The following GRM8 variants were observed in gnomAD, a reference collection of about 807,000 sequenced individuals.
GRM8 encodes metabotropic glutamate receptor 8.
Under a neutral mutation model 87.2 loss-of-function variants are expected in GRM8, and 47 were observed. The ratio of observed to expected loss-of-function variants is 0.54; its 90% CI spans 0.43 to 0.69. The LOEUF is 0.69. Among genes scored for constraint, GRM8 ranks in the 30% least tolerant of loss-of-function variants. The pLI is 0.00. For missense variants in GRM8, 1,019 were observed against 1,139.2 expected, an observed-to-expected ratio of 0.89 and a Z score of 1.52; for synonymous variants, 396 against 404.5, an observed-to-expected ratio of 0.98 and a Z score of 0.25.
At chr7:126,951,890 G>A (rs1385801061) in intron 3 of GRM8, among the ~76,000 whole-genome samples, 1 of 151,972 alleles carries the variant, frequency 6.6e-6, no homozygotes, top group Non-Finnish European at 1.5e-5. Context: ...GTGTGTATAT[G>A]TGCAGGTTAT....
At chr7:126,652,705 G>A (rs544901794) in intron 7 of GRM8, among the ~76,000 whole-genome samples, 2 of 152,118 alleles carry the variant, frequency 1.3e-5, no homozygotes, top group African/African-American at 4.8e-5. Context: ...GCTCAAACTG[G>A]CTTCCTTGCT....
intron 2 of GRM8, among the ~76,000 whole-genome samples, chr7:127,148,298 G>A (rs1828658718): frequency 6.6e-6 from 1 of 151,374 alleles, no homozygotes; most frequent in South Asian, 2.1e-4. Flanking sequence ...AAATATATAT[G>A]CACCCCACAC....
intron 8 of GRM8, among the ~76,000 whole-genome samples, chr7:126,552,028 T>C (rs1792643875): frequency 6.6e-6 from 1 of 152,146 alleles, no homozygotes; most frequent in East Asian, 1.9e-4. Context: ...GTATTCATCT[T>C]CTTTTACATG....
chr7:126,509,505 T>C (rs2150736493), intron 9 of GRM8, among the ~76,000 whole-genome samples: 1 of 152,192 alleles, frequency 6.6e-6, no homozygotes, highest in African/African-American at 2.4e-5. Flanking sequence ...AAATACACTG[T>C]AGAAAGCACA....
intron 7 of GRM8, among the ~76,000 whole-genome samples, chr7:126,696,570 T>A (rs1809399342): frequency 6.6e-6 from 1 of 152,156 alleles, no homozygotes; most frequent in African/African-American, 2.4e-5. Context: ...GAACTATTAC[T>A]GAGAGAGAGG....
intron 2 of GRM8, among the ~76,000 whole-genome samples, chr7:127,223,890 C>A: frequency 7.4e-6 from 1 of 135,218 alleles, no homozygotes; most frequent in African/African-American, 2.8e-5. Flanking sequence ...AACTTTGGGA[C>A]TGAAATATAT....
rs778079575 is a variant in GRM8 at position 126,533,178 on chromosome 7, T to C, written c.2204A>G (p.Lys735Arg). The C allele has an allele frequency of 1.1e-5, 18 of 1,612,534 alleles. No homozygotes were observed. The highest frequency in any genetic ancestry group is 1.4e-5 in the Non-Finnish European group (17 of 1,179,608). ...YGEQRTLDPE[K>R]ARGVLKCDIS... Reference sequence around the variant, plus strand: ...GTCACACTTGAGCACTCCCCTGGCCTTCTCTGGATCTAGTGTCCGCTGCTC... The same window carrying C: ...GTCACACTTGAGCACTCCCCTGGCCCTCTCTGGATCTAGTGTCCGCTGCTC... Residue 735 changes from lysine (K) to arginine (R), a missense_variant, in exon 9 of 11, where the codon AAG (lysine) becomes AGG (arginine). Coordinates refer to ENST00000339582, the MANE Select transcript of GRM8 (RefSeq NM_000845.3).
At chr7:126,763,578 T>C (rs13240285) in intron 7 of GRM8, among the ~76,000 whole-genome samples, 38 of 72,014 alleles carry the variant, frequency 5.3e-4, no homozygotes, top group African/African-American at 7.9e-4. Flanking sequence ...CATGTCTATT[T>C]TGGTACTAGT....
At chr7:126,524,324 A>G (rs985605892) in intron 9 of GRM8, among the ~76,000 whole-genome samples, 1 of 152,152 alleles carries the variant, frequency 6.6e-6, no homozygotes, top group Non-Finnish European at 1.5e-5. Flanking sequence ...ATTGATTGAT[A>G]GTTTGGTTGG....
chr7:127,203,564 C>T (rs1342871512), intron 2 of GRM8, among the ~76,000 whole-genome samples: 1 of 151,960 alleles, frequency 6.6e-6, no homozygotes, highest in African/African-American at 2.4e-5. Context: ...AAAAATTAGC[C>T]AGGGATGGTG....
At chr7:126,855,769 C>T (rs1797623355) in intron 6 of GRM8, among the ~76,000 whole-genome samples, 1 of 152,088 alleles carries the variant, frequency 6.6e-6, no homozygotes, top group African/African-American at 2.4e-5. Context: ...GCCACCATGC[C>T]CGGCCCTCTT....
In GRM8 at chr7:126,533,214, A is replaced by T; in HGVS notation, c.2168T>A (p.Ile723Asn). The T allele has an allele frequency of 6.2e-7, 1 of 1,613,228 alleles. No individual in the cohort carries two copies. The highest frequency in any genetic ancestry group is 1.1e-5 in the South Asian group (1 of 90,994). The change falls in exon 9 of 11, where the codon ATT becomes AAT. Residue 723 changes from isoleucine to asparagine, a missense_variant. Transcript: ENST00000339582. ...WFVVDPPHIIIDYGEQRTLDP... is the reference protein window; with the variant it reads ...WFVVDPPHIINDYGEQRTLDP... ...TAGTGTCCGCTGCTCTCCATAGTCA[A>T]TGATGATGTGGGGGGGATCCACAAC...
intron 5 of GRM8, 93 bp from the exon 6 acceptor site, chr7:126,902,772 T>A: frequency 2.3e-6 from 2 of 859,774 alleles, no homozygotes; most frequent in Middle Eastern, 4.8e-4. Flanking sequence ...GATCACTGCA[T>A]GAAAAGAAAA....
chr7:126,882,919 T>G (rs1800150917), intron 6 of GRM8, among the ~76,000 whole-genome samples: 1 of 152,212 alleles, frequency 6.6e-6, no homozygotes, highest in South Asian at 2.1e-4. Context: ...GGGGCAGTTT[T>G]CAAAGGTCAC....
At chr7:127,100,044 G>C (rs1825078793) in intron 3 of GRM8, among the ~76,000 whole-genome samples, 1 of 152,136 alleles carries the variant, frequency 6.6e-6, no homozygotes, top group South Asian at 2.1e-4. Flanking sequence ...ACCAGGGATT[G>C]TCAGCAAACA....
chr7:126,464,186 C>T (rs184308579), intron 9 of GRM8, among the ~76,000 whole-genome samples: 3 of 151,730 alleles, frequency 2.0e-5, no homozygotes, highest in African/African-American at 7.2e-5. Context: ...ATGCAAATAT[C>T]TTCCACTTCT....
chr7:126,617,328 C>T (rs1169860506), intron 7 of GRM8, among the ~76,000 whole-genome samples: 1 of 152,188 alleles, frequency 6.6e-6, no homozygotes, highest in East Asian at 1.9e-4. Flanking sequence ...ATTCATCTGC[C>T]TTTCATGCTA....
intron 9 of GRM8, among the ~76,000 whole-genome samples, chr7:126,465,844 C>G (rs1477385217): frequency 6.6e-6 from 1 of 151,670 alleles, no homozygotes; most frequent in Non-Finnish European, 1.5e-5. Flanking sequence ...TATTGAATAA[C>G]AGAAATTATT....
rs143486093 is a variant in GRM8, at chr7:126,712,269, A to G, written c.1357+57596T>C. ...ATGGGAGAATAGCAGGTTGGTGGAG[A>G]AGTCAGAACACACACAAAATTTATT... On this transcript the variant is annotated intron_variant, in intron 7 of 10. Coordinates refer to ENST00000339582, the MANE Select transcript of GRM8 (RefSeq NM_000845.3). Among the ~76,000 whole-genome samples, 54 of 152,286 alleles carry G rather than the reference A, an allele frequency of 3.5e-4. No individual in the cohort carries two copies. The East Asian group carries it at 8.9e-3, about 25-fold the overall frequency.
Sources: gnomAD v4.1 joint callset for allele counts (sites outside exome capture counted in the v4.1 genomes callset) on GRCh38, gnomAD v4.1.1 for gene constraint, MANE v1.5 for transcripts, NCBI Gene and HGNC (gene_info 2026-07-23, HGNC 2026-07-21) for gene names.